Variants in CCSER1 observed in about 807,000 individuals in gnomAD.
CCSER1 encodes serine-rich coiled-coil domain-containing protein 1.
In CCSER1, 41 loss-of-function variants were observed where a neutral mutation model predicts 82.0. The ratio of observed to expected loss-of-function variants is 0.50; its 90% confidence interval spans 0.39 to 0.65. The LOEUF is 0.65. Among genes scored for constraint, CCSER1 ranks in the 30% least tolerant of loss-of-function variants. The pLI is 0.00. For missense variants in CCSER1, 1,119 were observed against 1,064.2 expected (o/e 1.05, Z -0.72); for synonymous variants, 414 against 383.9 (o/e 1.08, Z -0.92).
Position 91,194,073 on chromosome 4 carries a change from G to A in CCSER1, c.2217+108079G>A, listed in dbSNP as rs557907153. Among the ~76,000 whole-genome samples the A allele has an allele frequency of 2.6e-5, 4 of 152,244 alleles. No individual in the cohort carries two copies. The East Asian group carries it at 5.8e-4, about 22-fold the overall frequency. On this transcript the variant is annotated intron_variant, in intron 10 of 10. Transcript: ENST00000509176. Reference sequence around the variant, plus strand: ...CAACCCCTGTCTCCCGAATCCAAGTGATTCTCCTGCCTCAGCCTCCCAAGT... The same window carrying A: ...CAACCCCTGTCTCCCGAATCCAAGTAATTCTCCTGCCTCAGCCTCCCAAGT...
chr4:90,422,439 A>G (rs1756841080), intron 4 of CCSER1, among the ~76,000 whole-genome samples: 1 of 152,076 alleles, frequency 6.6e-6, no homozygotes, highest in Non-Finnish European at 1.5e-5. Flanking sequence ...ACAAAACATA[A>G]AAGAAATTAT....
At chr4:90,347,659 C>T (rs1742621037) in intron 3 of CCSER1, among the ~76,000 whole-genome samples, 1 of 152,126 alleles carries the variant, frequency 6.6e-6, no homozygotes, top group Admixed American at 6.6e-5. Context: ...GAGGCCCAAG[C>T]TGAGGTCCCA....
chr4:90,129,438 T>C (rs1041857068), intron 1 of CCSER1, among the ~76,000 whole-genome samples: 2 of 152,230 alleles, frequency 1.3e-5, no homozygotes, highest in Non-Finnish European at 2.9e-5. Flanking sequence ...ATAAAATGAA[T>C]GTTTTCTCTT....
intron 10 of CCSER1, among the ~76,000 whole-genome samples, chr4:91,140,325 A>G (rs974396537): frequency 1.3e-5 from 2 of 151,866 alleles, no homozygotes. Context: ...AAAATATTAA[A>G]TATATTTTAC....
At chr4:90,280,571 T>G (rs1170331435) in intron 1 of CCSER1, among the ~76,000 whole-genome samples, 1 of 151,978 alleles carries the variant, frequency 6.6e-6, no homozygotes, top group Admixed American at 6.6e-5. Flanking sequence ...TTAAATTGTA[T>G]GGTGTTTGAT....
At chr4:90,634,482 T>C (rs1420963756) in intron 6 of CCSER1, among the ~76,000 whole-genome samples, 2 of 151,842 alleles carry the variant, frequency 1.3e-5, no homozygotes, top group Non-Finnish European at 3.0e-5. Context: ...CATTATAAAA[T>C]TTACAGTGTT....
chr4:91,284,677 G>A (rs772829564), intron 10 of CCSER1, among the ~76,000 whole-genome samples: 2 of 151,992 alleles, frequency 1.3e-5, no homozygotes, highest in African/African-American at 4.8e-5. Context: ...GATAATCATG[G>A]TTGTTTACCT....
chr4:90,226,190 T>C (rs1358359505), intron 1 of CCSER1, among the ~76,000 whole-genome samples: 1 of 152,246 alleles, frequency 6.6e-6, no homozygotes, highest in African/African-American at 2.4e-5. Context: ...TCTGCATGAA[T>C]GGCCTATGTG....
intron 10 of CCSER1, among the ~76,000 whole-genome samples, chr4:91,288,603 G>C (rs773494038): frequency 1.3e-5 from 2 of 151,896 alleles, no homozygotes; most frequent in Non-Finnish European, 2.9e-5. Context: ...TGTGCTAAAG[G>C]CTTGAAGAAG....
rs535330316 is a variant in CCSER1 at position 90,157,405 on chromosome 4, T to A, written c.-42+29574T>A. Among the ~76,000 whole-genome samples the A allele has an allele frequency of 8.5e-5, 13 of 152,100 alleles. No individual in the cohort carries two copies. In the East Asian group the frequency reaches 1.9e-3, roughly 23 times the overall value. ...TTGTGGCATTCTCTGTATTTTCTGA[T>A]TCTGAATGTTGGCCTGCCTTGCTAG... is the stretch of plus-strand genomic sequence containing the variant. On this transcript the variant is annotated intron_variant, in intron 1 of 10. Transcript: ENST00000509176.
chr4:90,422,357 G>T (rs1239093498), intron 4 of CCSER1, among the ~76,000 whole-genome samples: 1 of 152,146 alleles, frequency 6.6e-6, no homozygotes, highest in African/African-American at 2.4e-5. Context: ...ACTTTGGGAG[G>T]CTAGGCTGGA....
At chr4:90,175,030 T>C (rs1223591690) in intron 1 of CCSER1, among the ~76,000 whole-genome samples, 1 of 152,032 alleles carries the variant, frequency 6.6e-6, no homozygotes, top group East Asian at 1.9e-4. Context: ...AGTGAAAGCA[T>C]GTATTTATCC....
chr4:91,393,468 AT>A (rs1267246027), intron 10 of CCSER1, among the ~76,000 whole-genome samples: 9 of 152,164 alleles, frequency 5.9e-5, no homozygotes, highest in East Asian at 3.9e-4. Context: ...GAAAATCTAT[AT>A]TTTTTGTCGT....
At chr4:90,412,487 G>T (rs958065405) in intron 4 of CCSER1, among the ~76,000 whole-genome samples, 5 of 145,984 alleles carry the variant, frequency 3.4e-5, no homozygotes, top group African/African-American at 7.6e-5. Flanking sequence ...AAAGAATTTT[G>T]AATGTTAAAA....
intron 5 of CCSER1, among the ~76,000 whole-genome samples, chr4:90,565,545 C>G (rs1779262484): frequency 6.6e-6 from 1 of 152,126 alleles, no homozygotes; most frequent in Non-Finnish European, 1.5e-5. Context: ...GTTTCCAGTA[C>G]TATATTGAAT....
chr4:90,358,802 T>G (rs1244173090), intron 3 of CCSER1, among the ~76,000 whole-genome samples: 1 of 152,196 alleles, frequency 6.6e-6, no homozygotes, highest in Non-Finnish European at 1.5e-5. Flanking sequence ...TTGTCATTTT[T>G]GACTCTATTG....
At chr4:90,576,682 T>C (rs1780813450) in intron 5 of CCSER1, among the ~76,000 whole-genome samples, 1 of 152,162 alleles carries the variant, frequency 6.6e-6, no homozygotes, top group African/African-American at 2.4e-5. Flanking sequence ...CTCCATGTAT[T>C]TACATTCTTT....
intron 10 of CCSER1, among the ~76,000 whole-genome samples, chr4:91,167,196 T>TC (rs959558563): frequency 6.7e-6 from 1 of 149,734 alleles, no homozygotes; most frequent in Non-Finnish European, 1.5e-5. Flanking sequence ...TTTTTTTTTT[T>TC]TTTTTTTTGA....
chr4:91,316,547 C>T (rs1398790800), intron 10 of CCSER1, among the ~76,000 whole-genome samples: 1 of 152,002 alleles, frequency 6.6e-6, no homozygotes, highest in African/African-American at 2.4e-5. Flanking sequence ...TATTCTATGA[C>T]ACTAAATACG....
Sources: allele counts gnomAD v4.1 joint callset (sites outside exome capture counted in the v4.1 genomes callset), GRCh38; gene constraint gnomAD v4.1.1; transcripts MANE v1.5; gene names NCBI Gene and HGNC (gene_info 2026-07-23, HGNC 2026-07-21).